The following CDH8 variants were observed in gnomAD, a reference collection of about 807,000 sequenced individuals.
CDH8 encodes cadherin 8.
Under a neutral mutation model 68.1 loss-of-function variants are expected in CDH8, and 17 were observed. The observed-to-expected ratio is 0.25, with a 90% confidence interval of 0.17 to 0.37. The LOEUF (loss-of-function observed/expected upper bound fraction) is 0.37, where lower values mean the gene tolerates loss of function less well. Among genes scored for constraint, CDH8 ranks in the 10% least tolerant of loss-of-function variants. The pLI is 1.00. For synonymous variants in CDH8, 372 were observed against 365.1 expected (o/e 1.02, Z -0.21); for missense variants, 763 against 999.3 (o/e 0.76, Z 3.19).
chr16:61,902,879 A>C (rs1356175968), intron 2 of CDH8, among the ~76,000 whole-genome samples: 1 of 152,208 alleles, frequency 6.6e-6, no homozygotes, highest in Non-Finnish European at 1.5e-5. Context: ...TATTGTATAA[A>C]ATGTATTAAC....
intron 3 of CDH8, among the ~76,000 whole-genome samples, chr16:61,886,510 C>T (rs1963675440): frequency 6.6e-6 from 1 of 152,166 alleles, no homozygotes; most frequent in African/African-American, 2.4e-5. Flanking sequence ...TAATACATCT[C>T]TCCATTTTAT....
At chr16:61,868,373 A>G (rs551244965) in intron 3 of CDH8, among the ~76,000 whole-genome samples, 1 of 152,360 alleles carries the variant, frequency 6.6e-6, no homozygotes, top group East Asian at 1.9e-4. Flanking sequence ...GAAGATATTC[A>G]GAGATTAATG....
At chr16:61,688,010 T>A (rs1327712852) in intron 10 of CDH8, among the ~76,000 whole-genome samples, 1 of 152,068 alleles carries the variant, frequency 6.6e-6, no homozygotes, top group African/African-American at 2.4e-5. Flanking sequence ...AAATAACTCA[T>A]CTCGTAACCT....
chr16:61,985,076 T>C (rs1446168230), intron 2 of CDH8, among the ~76,000 whole-genome samples: 4 of 152,104 alleles, frequency 2.6e-5, no homozygotes, highest in Non-Finnish European at 5.9e-5. Flanking sequence ...TATGTGTTAA[T>C]GTAGGCACCC....
At chr16:61,697,944 T>C (rs1964358712) in intron 10 of CDH8, among the ~76,000 whole-genome samples, 1 of 152,222 alleles carries the variant, frequency 6.6e-6, no homozygotes, top group South Asian at 2.1e-4. Flanking sequence ...ATCTGGTTAT[T>C]AGACAAGCCA....
intron 10 of CDH8, among the ~76,000 whole-genome samples, chr16:61,701,845 A>G (rs1964433481): frequency 6.6e-6 from 1 of 152,186 alleles, no homozygotes; most frequent in Non-Finnish European, 1.5e-5. Context: ...TGTCATTGCT[A>G]GTATTTTTTA....
chr16:61,749,014 A>G lies in CDH8; in HGVS notation c.1415-21799T>C, dbSNP rs189883105. On this transcript the variant is annotated intron_variant, in intron 8 of 11. Transcript: ENST00000577390. ...CTAATACTCTTCTCTGAAGGTAACA[A>G]ATGAGCTTACTGAATACTGGCTCTT... Among the ~76,000 whole-genome samples the G allele has an allele frequency of 8.5e-5, 13 of 152,206 alleles. No individual in the cohort carries two copies. In the East Asian group the frequency reaches 2.3e-3, roughly 27 times the overall value.
At chr16:61,977,423 T>C (rs757561557) in intron 2 of CDH8, among the ~76,000 whole-genome samples, 10 of 152,094 alleles carry the variant, frequency 6.6e-5, no homozygotes, top group East Asian at 3.9e-4. Flanking sequence ...CCCAACAAAA[T>C]TGAAAGAGAA....
At chr16:62,002,121 T>G (rs1225853689) in intron 2 of CDH8, among the ~76,000 whole-genome samples, 1 of 152,144 alleles carries the variant, frequency 6.6e-6, no homozygotes, top group Non-Finnish European at 1.5e-5. Context: ...GTAGAATAAA[T>G]CTATTAATTC....
At chr16:61,690,646 G>A (rs1964201571) in intron 10 of CDH8, among the ~76,000 whole-genome samples, 2 of 151,912 alleles carry the variant, frequency 1.3e-5, no homozygotes, top group Non-Finnish European at 1.5e-5. Context: ...CTTTGTTGTT[G>A]TTGTTGTTGT....
At position 61,649,271 on chromosome 16, in the gene CDH8, T is replaced by A. The variant is rs1242412067; in HGVS notation, c.*4337A>T. 6.6e-6 allele frequency: 1 copy of A among 151,838 alleles called. No homozygotes were observed. Among genetic ancestry groups the A allele is most frequent in the Non-Finnish European group, 1.5e-5 (1 of 67,918 alleles). 9.4% of individuals were successfully genotyped at this position (151,838 alleles called of 1,614,324 possible). A position where few individuals can be genotyped will look rare whatever the true frequency, so the allele number is the denominator to read the frequency against. On this transcript the variant is annotated 3_prime_UTR_variant, in exon 12 of 12. Coordinates refer to ENST00000577390, the MANE Select transcript of CDH8 (RefSeq NM_001796.5). ...AAGCTGCTTTTAAAACCCTTTACCC[T>A]CAATTCAACTTCTTTCAAATTCAAG...
Position 61,653,247 on chromosome 16 carries a change from G to A in CDH8, c.*361C>T, listed in dbSNP as rs1048453043. 9.4e-6 allele frequency: 11 copies of A among 1,175,034 alleles called. No homozygotes were observed. The highest frequency in any genetic ancestry group is 4.5e-5 in the Admixed American group (1 of 22,446). 72.8% of individuals were successfully genotyped at this position (1,175,034 alleles called of 1,614,324 possible). A position where few individuals can be genotyped will look rare whatever the true frequency, so the allele number is the denominator to read the frequency against. On this transcript the variant is annotated 3_prime_UTR_variant, in exon 12 of 12. Coordinates refer to ENST00000577390, the MANE Select transcript of CDH8 (RefSeq NM_001796.5). ...TCAGCAGCAGATTCCTTGCAGGTCC[G>A]TATTTTTTTTTCTAAGAAAGCACCT...
chr16:61,719,858 C>A (rs1959203738), intron 9 of CDH8, among the ~76,000 whole-genome samples: 1 of 150,846 alleles, frequency 6.6e-6, no homozygotes, highest in South Asian at 2.1e-4. Context: ...CTATCCTTGG[C>A]AAACTCGAGA....
intron 3 of CDH8, among the ~76,000 whole-genome samples, chr16:61,864,750 A>G (rs1963221033): frequency 6.6e-6 from 1 of 152,122 alleles, no homozygotes; most frequent in Non-Finnish European, 1.5e-5. Context: ...ATACTGAATT[A>G]TTACCATCTG....
At chr16:61,761,727 G>A (rs907980641) in intron 8 of CDH8, among the ~76,000 whole-genome samples, 26 of 152,072 alleles carry the variant, frequency 1.7e-4, no homozygotes, top group Admixed American at 1.2e-3. Flanking sequence ...ATTAGGCCAG[G>A]TGCAGTGGCT....
At chr16:61,852,501 T>C (rs1443265389) in intron 4 of CDH8, among the ~76,000 whole-genome samples, 1 of 152,070 alleles carries the variant, frequency 6.6e-6, no homozygotes, top group Admixed American at 6.6e-5. Context: ...AAGAGTTTAT[T>C]ATGGTCTCAA....
chr16:61,986,520 G>T (rs1375280303), intron 2 of CDH8, among the ~76,000 whole-genome samples: 1 of 152,140 alleles, frequency 6.6e-6, no homozygotes, highest in Non-Finnish European at 1.5e-5. Flanking sequence ...AATATGCCAA[G>T]AAAGGAAGAA....
intron 3 of CDH8, among the ~76,000 whole-genome samples, chr16:61,862,890 TTC>T (rs2143018873): frequency 6.6e-6 from 1 of 152,238 alleles, no homozygotes; most frequent in South Asian, 2.1e-4. Context: ...ACAACCAGGA[TTC>T]TCTGTTTGTG....
intron 2 of CDH8, chr16:61,937,810 C>G (rs576932217): frequency 1.3e-5 from 2 of 152,132 alleles, no homozygotes; most frequent in Non-Finnish European, 2.9e-5. Context: ...AGTAACTGAA[C>G]CCAGGAGTCC....
Sources: allele counts gnomAD v4.1 joint callset (sites outside exome capture counted in the v4.1 genomes callset), GRCh38; gene constraint gnomAD v4.1.1; transcripts MANE v1.5; gene names NCBI Gene and HGNC (gene_info 2026-07-23, HGNC 2026-07-21).